FAM193A: variants seen among roughly 807,000 people sequenced by gnomAD.
The protein encoded by FAM193A is protein FAM193A.
In FAM193A, 22 loss-of-function variants were observed where a neutral mutation model predicts 126.5. The ratio of observed to expected loss-of-function variants is 0.17; its 90% CI spans 0.12 to 0.25. The LOEUF is 0.25. FAM193A is among the 10% of genes least tolerant of loss of function. The pLI, the probability that FAM193A is intolerant of heterozygous loss-of-function variation, is 1.00. For missense variants in FAM193A, 1,675 were observed against 1,672.8 expected (o/e 1.00, Z -0.02); for synonymous variants, 761 against 646.8 (o/e 1.18, Z -2.68).
intron 1 of FAM193A, among the ~76,000 whole-genome samples, chr4:2,545,317 G>T (rs866779164): frequency 3.3e-5 from 5 of 152,138 alleles, no homozygotes; most frequent in African/African-American, 9.6e-5. Context: ...CATAGAACAA[G>T]AATTTTTGTG....
At chr4:2,569,092 C>T (rs892321291) in intron 1 of FAM193A, among the ~76,000 whole-genome samples, 2 of 150,090 alleles carry the variant, frequency 1.3e-5, no homozygotes, top group Non-Finnish European at 3.0e-5. Flanking sequence ...GCCTCAGCCT[C>T]CTGAGTAACT....
chr4:2,719,740 C>G (rs1346557055), intron 20 of FAM193A, among the ~76,000 whole-genome samples: 1 of 102,450 alleles, frequency 9.8e-6, no homozygotes, highest in Non-Finnish European at 1.9e-5. Flanking sequence ...GAGACACTCT[C>G]AAAAAAAAAA....
At chr4:2,608,041 G>T in intron 2 of FAM193A, 1 of 1,607,938 alleles carries the variant, frequency 6.2e-7, no homozygotes, top group Middle Eastern at 1.8e-4. Flanking sequence ...ACGTCCGGGT[G>T]TGCAGCATAA....
At chr4:2,565,820 CAG>C (rs771717184) in intron 1 of FAM193A, among the ~76,000 whole-genome samples, 17 of 152,156 alleles carry the variant, frequency 1.1e-4, no homozygotes, top group South Asian at 4.1e-4. Flanking sequence ...TGGCAAGACA[CAG>C]GGGTTTGCTG....
chr4:2,686,748 G>A (rs1715783763), intron 13 of FAM193A, among the ~76,000 whole-genome samples: 1 of 152,148 alleles, frequency 6.6e-6, no homozygotes, highest in South Asian at 2.1e-4. Context: ...TCTAGTCATG[G>A]TTTACCAGCT....
In FAM193A at chr4:2,568,973, C is replaced by CTTTTTTTTTTTTTTTTTTTTT. The variant is rs753557878; in HGVS notation, c.256-27110_256-27090dup. 3.7e-4 allele frequency among the ~76,000 whole-genome samples: 34 copies of CTTTTTTTTTTTTTTTTTTTTT among 90,718 alleles called. 1 individual carries two copies. The highest frequency in any genetic ancestry group is 4.6e-4 in the Admixed American group (3 of 6,468). The allele number at this position is 90,718 out of a possible 152,430, so 59.5% of individuals were successfully genotyped here. On this transcript the variant is annotated intron_variant, in intron 1 of 20. Coordinates refer to ENST00000637812, the MANE Select transcript of FAM193A (RefSeq NM_001366318.2). The stretch of plus-strand genomic sequence containing the variant: ...GATTTCTTTTGTTGTTGTTGTTTTG[C>CTTTTTTTTTTTTTTTTTTTTT]TTTTTTTTTTTTTTTTTTTTTGATC...
At chr4:2,548,066 T>C (rs1193461885) in intron 1 of FAM193A, among the ~76,000 whole-genome samples, 1 of 136,572 alleles carries the variant, frequency 7.3e-6, no homozygotes, top group Non-Finnish European at 1.6e-5. Flanking sequence ...ATCAAGACTT[T>C]GCCTATTTTT....
At position 2,694,981 on chromosome 4, in the gene FAM193A, G is replaced by A. The variant is rs753539667; in HGVS notation, c.3128G>A (p.Gly1043Asp). The A allele has an allele frequency of 1.4e-5, 23 of 1,604,544 alleles. No homozygotes were observed. The highest frequency in any genetic ancestry group is 1.9e-5 in the Non-Finnish European group (22 of 1,176,174). ...TGCGAAGGGCACCGCTGCGAGAATG[G>A]TGTCTACGACCCACAGCAGGATGAT... ...PDCEGHRCENGVYDPQQDDGD... is the reference protein window; with the variant it reads ...PDCEGHRCENDVYDPQQDDGD... The change falls in exon 17 of 21, where the codon GGT (glycine) becomes GAT (aspartate). Residue 1043 changes from glycine (G) to aspartate (D), a missense_variant. Transcript: ENST00000637812.
rs1420227694 is a variant in FAM193A at position 2,630,926 on chromosome 4, T to C, written c.804-9T>C. On this transcript the variant is annotated splice_polypyrimidine_tract_variant and intron_variant, in intron 4 of 20. Coordinates refer to ENST00000637812, the MANE Select transcript of FAM193A (RefSeq NM_001366318.2). The stretch of plus-strand genomic sequence containing the variant: ...TGGGCAGGCCCTGGTGACCCTCTTC[T>C]CTGTGCAGGCTCTGCGAGAGGGACC... 3 of 1,519,296 alleles carry C rather than the reference T, an allele frequency of 2.0e-6. No individual in the cohort carries two copies. Among genetic ancestry groups the C allele is most frequent in the Admixed American group, 3.4e-5 (2 of 59,244 alleles). 94.1% of individuals were successfully genotyped at this position (1,519,296 alleles called of 1,614,324 possible). A position where few individuals can be genotyped will look rare whatever the true frequency, so the allele number is the denominator to read the frequency against.
At chr4:2,569,968 C>T (rs181857193) in intron 1 of FAM193A, among the ~76,000 whole-genome samples, 2 of 152,086 alleles carry the variant, frequency 1.3e-5, no homozygotes, top group Non-Finnish European at 2.9e-5. Flanking sequence ...AATTTGATTT[C>T]GTCTCATTCA....
intron 13 of FAM193A, among the ~76,000 whole-genome samples, chr4:2,682,177 G>C (rs1449480897): frequency 6.6e-6 from 1 of 151,498 alleles, no homozygotes; most frequent in Non-Finnish European, 1.5e-5. Context: ...GTAAAGACAG[G>C]GTTTCACCAT....
chr4:2,552,243 C>A (rs1169938922), intron 1 of FAM193A, among the ~76,000 whole-genome samples: 2 of 151,918 alleles, frequency 1.3e-5, no homozygotes, highest in Admixed American at 1.3e-4. Flanking sequence ...GACCTCCTGA[C>A]CTCATGATCC....
intron 1 of FAM193A, among the ~76,000 whole-genome samples, chr4:2,594,783 G>C (rs879655424): frequency 3.6e-5 from 5 of 140,700 alleles, no homozygotes; most frequent in Non-Finnish European, 7.7e-5. Flanking sequence ...ATTTCCAGTT[G>C]TGTGAGACTC....
chr4:2,668,749 C>A (rs573279935), intron 12 of FAM193A, among the ~76,000 whole-genome samples: 1 of 152,110 alleles, frequency 6.6e-6, no homozygotes, highest in African/African-American at 2.4e-5. Context: ...TTATACAGTG[C>A]CTGCCTGCCT....
At position 2,544,304 on chromosome 4, in the gene FAM193A, G is replaced by A. The variant is rs749547356; in HGVS notation, c.255+7134G>A. On this transcript the variant is annotated intron_variant, in intron 1 of 20. Coordinates refer to ENST00000637812, the MANE Select transcript of FAM193A (RefSeq NM_001366318.2). ...GGTTGGCACAGTGGCCCATAGCCAT[G>A]ATCCCAGCACTTTGGAAGGCCGAGG... 3.2e-4 allele frequency among the ~76,000 whole-genome samples: 48 copies of A among 152,106 alleles called. 1 individual carries two copies. The highest frequency in any genetic ancestry group is 6.3e-4 in the Non-Finnish European group (43 of 68,030).
rs767751242 is a variant in FAM193A at position 2,732,393 on chromosome 4, T to A, written c.*525T>A. ...TGACTTGTAGCCAGCTTGTGTAAGA[T>A]CCCTTGCAGAACGAGAAAGTTAAAA... On this transcript the variant is annotated 3_prime_UTR_variant, in exon 21 of 21. Coordinates refer to ENST00000637812, the MANE Select transcript of FAM193A (RefSeq NM_001366318.2). 2.5e-4 allele frequency: 41 copies of A among 165,778 alleles called. No homozygotes were observed. Among genetic ancestry groups the A allele is most frequent in the Middle Eastern group, 2.8e-3 (1 of 354 alleles). 10.3% of individuals were successfully genotyped at this position (165,778 alleles called of 1,614,324 possible). A position where few individuals can be genotyped will look rare whatever the true frequency, so the allele number is the denominator to read the frequency against.
chr4:2,674,002 T>A (rs1714118422), intron 13 of FAM193A, among the ~76,000 whole-genome samples: 1 of 152,170 alleles, frequency 6.6e-6, no homozygotes, highest in South Asian at 2.1e-4. Flanking sequence ...ATAGAAAGAT[T>A]TGAATAGAAA....
intron 19 of FAM193A, among the ~76,000 whole-genome samples, chr4:2,701,690 C>A (rs1037141852): frequency 6.6e-6 from 1 of 151,948 alleles, no homozygotes; most frequent in African/African-American, 2.4e-5. Flanking sequence ...AAATGAGTAT[C>A]CTGTTTTTAT....
chr4:2,717,615 A>G (rs949512482), intron 20 of FAM193A, among the ~76,000 whole-genome samples: 3 of 150,610 alleles, frequency 2.0e-5, no homozygotes, highest in Non-Finnish European at 4.4e-5. Context: ...AAAAAAAAAA[A>G]GCCAGGCATG....
Sources: gnomAD v4.1 joint callset for allele counts (sites outside exome capture counted in the v4.1 genomes callset) on GRCh38, gnomAD v4.1.1 for gene constraint, MANE v1.5 for transcripts, NCBI Gene and HGNC (gene_info 2026-07-23, HGNC 2026-07-21) for gene names.